Variants in ASTN2 observed in about 807,000 individuals in gnomAD.
ASTN2 encodes the protein astrotactin 2.
In ASTN2, 54 loss-of-function variants were observed where a neutral mutation model predicts 139.8. The observed-to-expected ratio is 0.39, with a 90% CI of 0.31 to 0.48. The LOEUF is 0.48. Among genes scored for constraint, ASTN2 ranks in the 20% least tolerant of loss-of-function variants. The pLI is 0.95. For synonymous variants in ASTN2, 756 were observed against 719.5 expected (o/e 1.05, Z -0.81); for missense variants, 1,565 against 1,725.1 (o/e 0.91, Z 1.64).
At chr9:117,011,868 T>C (rs1367962801) in intron 6 of ASTN2, among the ~76,000 whole-genome samples, 2 of 152,196 alleles carry the variant, frequency 1.3e-5, no homozygotes, top group African/African-American at 4.8e-5. Flanking sequence ...TTCTTCAAGC[T>C]ATCTTGAGGC....
At chr9:117,020,964 G>A (rs74822809) in intron 6 of ASTN2, among the ~76,000 whole-genome samples, 7,953 of 152,184 alleles carry the variant, frequency 0.052, 512 homozygotes, top group African/African-American at 0.16. Context: ...TTGGGGTGCA[G>A]TGGAGCAATC....
At chr9:117,133,135 T>C (rs1370481624) in intron 4 of ASTN2, among the ~76,000 whole-genome samples, 1 of 152,246 alleles carries the variant, frequency 6.6e-6, no homozygotes, top group Non-Finnish European at 1.5e-5. Flanking sequence ...CAATTGTATG[T>C]ATCATCAAAG....
intron 10 of ASTN2, among the ~76,000 whole-genome samples, chr9:116,901,557 G>C (rs968590679): frequency 3.3e-5 from 5 of 151,930 alleles, no homozygotes; most frequent in Non-Finnish European, 7.4e-5. Flanking sequence ...ACCTGTTTGT[G>C]GTCATGCTGG....
chr9:116,513,076 A>G (rs1211257386), intron 19 of ASTN2, among the ~76,000 whole-genome samples: 1 of 152,194 alleles, frequency 6.6e-6, no homozygotes, highest in Non-Finnish European at 1.5e-5. Context: ...TTGTTAGTTG[A>G]TGCAGTTTCT....
intron 20 of ASTN2, among the ~76,000 whole-genome samples, chr9:116,480,247 C>G (rs1849124774): frequency 6.6e-6 from 1 of 151,778 alleles, no homozygotes; most frequent in Admixed American, 6.6e-5. Context: ...GGAAAGCAGA[C>G]AGAGAAAGAT....
chr9:116,721,715 C>T lies in ASTN2; in HGVS notation c.2806+4056G>A, dbSNP rs140878205. Among the ~76,000 whole-genome samples, 204 of 152,274 alleles carry T rather than the reference C, an allele frequency of 1.3e-3. 1 individual carries two copies. The highest frequency in any genetic ancestry group is 4.2e-3 in the African/African-American group (175 of 41,570). On this transcript the variant is annotated intron_variant, in intron 16 of 22. Coordinates refer to ENST00000313400, the MANE Select transcript of ASTN2 (RefSeq NM_001365068.1). ...CCTGCATTAGATTCTACCTTATTGA[C>T]CTGTTCGGTGTTCCAGTCCCCTACG...
intron 1 of ASTN2, among the ~76,000 whole-genome samples, chr9:117,351,223 C>T (rs1404301482): frequency 6.6e-6 from 1 of 152,158 alleles, no homozygotes; most frequent in Admixed American, 6.5e-5. Flanking sequence ...GAGAATACGG[C>T]AATCCCAGCT....
In ASTN2 at chr9:117,120,012, G is replaced by GTATATATATA. The variant is rs1194137211; in HGVS notation, c.1168+21313_1168+21314insTATATATATA. Among the ~76,000 whole-genome samples the GTATATATATA allele has an allele frequency of 6.8e-4, 47 of 68,764 alleles. 1 individual carries two copies. Among genetic ancestry groups the GTATATATATA allele is most frequent in the South Asian group, 3.0e-3 (5 of 1,694 alleles). The allele number at this position is 68,764 out of a possible 152,430, so 45.1% of individuals were successfully genotyped here. A position where few individuals can be genotyped will look rare whatever the true frequency, so the allele number is the denominator to read the frequency against. ...TGTATGTGTGTGTGTGTGTGTGTGTGTGTGTGTATATATATATATATATAT... is the reference window on the plus strand; with the variant it reads ...TGTATGTGTGTGTGTGTGTGTGTGTGTATATATATATGTGTGTATATATATATATATATAT... On this transcript the variant is annotated intron_variant, in intron 4 of 22. Coordinates refer to ENST00000313400, the MANE Select transcript of ASTN2 (RefSeq NM_001365068.1).
At chr9:116,687,927 G>A (rs765617425) in intron 16 of ASTN2, among the ~76,000 whole-genome samples, 2 of 151,944 alleles carry the variant, frequency 1.3e-5, no homozygotes, top group Non-Finnish European at 2.9e-5. Context: ...GGGGTGGGGT[G>A]AGTTCTTGAG....
intron 1 of ASTN2, among the ~76,000 whole-genome samples, chr9:117,330,483 G>T (rs1828668876): frequency 6.6e-6 from 1 of 152,166 alleles, no homozygotes; most frequent in Non-Finnish European, 1.5e-5. Context: ...GGACGGCAGG[G>T]CTCCAGGGCT....
At chr9:117,314,430 C>T (rs772924301) in intron 1 of ASTN2, among the ~76,000 whole-genome samples, 10 of 151,664 alleles carry the variant, frequency 6.6e-5, no homozygotes, top group Middle Eastern at 3.4e-3. Flanking sequence ...ATATAGCCCA[C>T]CCCCCCAATT....
chr9:117,063,177 T>C (rs1343282814), intron 5 of ASTN2, among the ~76,000 whole-genome samples: 3 of 152,228 alleles, frequency 2.0e-5, no homozygotes, highest in Non-Finnish European at 4.4e-5. Context: ...GGTAATATGT[T>C]AACTAGAGCA....
At chr9:116,873,401 T>G (rs761719798) in intron 10 of ASTN2, among the ~76,000 whole-genome samples, 1 of 152,212 alleles carries the variant, frequency 6.6e-6, no homozygotes, top group Non-Finnish European at 1.5e-5. Flanking sequence ...GAACACTGTC[T>G]TCCAAGTTAC....
chr9:116,998,213 A>C (rs541226302), intron 7 of ASTN2, among the ~76,000 whole-genome samples: 27 of 152,274 alleles, frequency 1.8e-4, no homozygotes, highest in African/African-American at 5.5e-4. Context: ...GGTGAGGTGG[A>C]GAGCAATATG....
chr9:116,501,814 G>C (rs1564322416), intron 19 of ASTN2, among the ~76,000 whole-genome samples: 1 of 151,622 alleles, frequency 6.6e-6, no homozygotes. Context: ...TAACTAACCT[G>C]CACATTGTGC....
In ASTN2 at chr9:117,372,906, G is replaced by A. The variant is rs138340189; in HGVS notation, c.442+41591C>T. On this transcript the variant is annotated intron_variant, in intron 1 of 22. Coordinates refer to ENST00000313400, the MANE Select transcript of ASTN2 (RefSeq NM_001365068.1). ...AAAATAAAAACTTGGATTTGGAACC[G>A]GAATATTTCTACTTGATTCTCGTGG... 1.9e-3 allele frequency among the ~76,000 whole-genome samples: 287 copies of A among 152,140 alleles called. 2 individuals are homozygous for A. Among genetic ancestry groups the A allele is most frequent in the African/African-American group, 6.4e-3 (265 of 41,510 alleles).
intron 1 of ASTN2, among the ~76,000 whole-genome samples, chr9:117,334,613 T>TCCC: frequency 6.6e-6 from 1 of 152,096 alleles, no homozygotes; most frequent in East Asian, 1.9e-4. Context: ...CTAAATGCCT[T>TCCC]TTACACACCA....
intron 3 of ASTN2, among the ~76,000 whole-genome samples, chr9:117,173,927 G>A (rs182691454): frequency 8.6e-5 from 13 of 151,050 alleles, no homozygotes; most frequent in Admixed American, 5.9e-4. Flanking sequence ...TTATCACTAC[G>A]TCTTGCTCTC....
intron 3 of ASTN2, among the ~76,000 whole-genome samples, chr9:117,160,358 T>A (rs2132899748): frequency 6.6e-6 from 1 of 152,010 alleles, no homozygotes; most frequent in African/African-American, 2.4e-5. Flanking sequence ...AGGTAGTTCC[T>A]CATTGTCACT....
Sources: gnomAD v4.1 joint callset for allele counts (sites outside exome capture counted in the v4.1 genomes callset) on GRCh38, gnomAD v4.1.1 for gene constraint, MANE v1.5 for transcripts, NCBI Gene and HGNC (gene_info 2026-07-23, HGNC 2026-07-21) for gene names.